The following TDG variants were observed in gnomAD, a reference collection of about 807,000 sequenced individuals.
TDG encodes G/T mismatch-specific thymine DNA glycosylase.
Under a neutral mutation model 46.1 loss-of-function variants are expected in TDG, and 23 were observed. That is an observed-to-expected ratio of 0.50 (90% confidence interval 0.36 to 0.71). The LOEUF is 0.71. TDG is among the 30% of genes least tolerant of loss of function. The pLI, the probability that TDG is intolerant of heterozygous loss-of-function variation, is 0.00. For missense variants in TDG, 304 were observed against 486.7 expected, an observed-to-expected ratio of 0.62 and a Z score of 3.53; for synonymous variants, 115 against 161.3, an observed-to-expected ratio of 0.71 and a Z score of 2.18.
At chr12:103,967,674 C>G (rs1871107118) in intron 1 of TDG, among the ~76,000 whole-genome samples, 2 of 151,978 alleles carry the variant, frequency 1.3e-5, no homozygotes, top group African/African-American at 4.8e-5. Context: ...CCAGGCTGGT[C>G]TTGAACTCTT....
chr12:103,982,719 C>T (rs532995851), intron 4 of TDG, 80 bp from the exon 5 acceptor site: 32 of 1,471,250 alleles, frequency 2.2e-5, no homozygotes, highest in South Asian at 1.6e-4. Flanking sequence ...GAGCCATGAT[C>T]GTGCCACTAC....
chr12:103,969,629 A>G (rs1173572268), intron 1 of TDG, among the ~76,000 whole-genome samples: 2 of 152,216 alleles, frequency 1.3e-5, no homozygotes, highest in East Asian at 3.8e-4. Flanking sequence ...ATCATCTTTT[A>G]CAAAGAAGAG....
Position 103,987,773 on chromosome 12 carries a change from C to G in TDG, c.*683C>G, listed in dbSNP as rs1872251939. ...GGCAGGTTCCAGAGAATGCAGTAGA[C>G]CTTTTGCCACTCATCTGTGTTTTAC... is the stretch of plus-strand genomic sequence containing the variant. On this transcript the variant is annotated 3_prime_UTR_variant, in exon 10 of 10. Coordinates refer to ENST00000392872, the MANE Select transcript of TDG (RefSeq NM_003211.6). 1 of 152,540 alleles carries G rather than the reference C, an allele frequency of 6.6e-6. No individual in the cohort carries two copies. Among genetic ancestry groups the G allele is most frequent in the Non-Finnish European group, 1.5e-5 (1 of 68,050 alleles). 9.4% of individuals were successfully genotyped at this position (152,540 alleles called of 1,614,324 possible). A position where few individuals can be genotyped will look rare whatever the true frequency, so the allele number is the denominator to read the frequency against.
At chr12:103,983,995 C>A (rs1237483697) in intron 7 of TDG, among the ~76,000 whole-genome samples, 1 of 152,152 alleles carries the variant, frequency 6.6e-6, no homozygotes, top group Non-Finnish European at 1.5e-5. Flanking sequence ...TTTTAAAGAA[C>A]AACACAGTGC....
chr12:103,979,752 T>C (rs1871729374), intron 2 of TDG, 79 bp from the exon 3 acceptor site: 6 of 1,505,166 alleles, frequency 4.0e-6, no homozygotes, highest in Non-Finnish European at 5.3e-6. Context: ...AAGGTGCTAG[T>C]TGGGTAACTT....
At position 103,980,064 on chromosome 12, in the gene TDG, A is replaced by G. The variant is rs772576208; in HGVS notation, c.400A>G (p.Ile134Val). ...LPDILTFNLD[I>V]VIIGINPGLM... Reference sequence around the variant, plus strand: ...CGATATTTTGACCTTCAATCTGGACATTGTCATTGTAAGATCTTTGTCCTC... The same window carrying G: ...CGATATTTTGACCTTCAATCTGGACGTTGTCATTGTAAGATCTTTGTCCTC... The change falls in exon 3 of 10, where the codon ATT becomes GTT. Residue 134 changes from isoleucine (I) to valine (V), a missense_variant. Transcript: ENST00000392872. The G allele has an allele frequency of 3.0e-5, 49 of 1,614,038 alleles. No homozygotes were observed. Among genetic ancestry groups the G allele is most frequent in the Non-Finnish European group, 3.9e-5 (46 of 1,180,036 alleles).
chr12:103,984,691 A>G (rs567925782), intron 7 of TDG, 58 bp from the exon 8 acceptor site: 31 of 1,309,804 alleles, frequency 2.4e-5, no homozygotes, highest in South Asian at 2.4e-4. Context: ...TCTAATCTCA[A>G]TGAGTGAATT....
intron 1 of TDG, among the ~76,000 whole-genome samples, chr12:103,976,414 A>C (rs1218108377): frequency 2.6e-5 from 4 of 151,974 alleles, no homozygotes; most frequent in South Asian, 4.2e-4. Context: ...CTCCCCACAC[A>C]CACACACACA....
intron 8 of TDG, among the ~76,000 whole-genome samples, chr12:103,985,162 CACAT>C (rs200981623): frequency 2.4e-5 from 3 of 122,808 alleles, no homozygotes; most frequent in Non-Finnish European, 5.1e-5. Context: ...TATATATAGA[CACAT>C]ACACACACAC....
rs374784272 is a variant in TDG at position 103,982,939 on chromosome 12, G to T, written c.614+5G>T. 1 of 1,613,352 alleles carries T rather than the reference G, an allele frequency of 6.2e-7. No homozygotes were observed. Among genetic ancestry groups the T allele is most frequent in the African/African-American group, 1.3e-5 (1 of 74,884 alleles). ...CGGCAGCAAAGATCTCTCCAGGTAAGTACACAGCATTTGCTTTTATGGGTT... is the reference window on the plus strand; with the variant it reads ...CGGCAGCAAAGATCTCTCCAGGTAATTACACAGCATTTGCTTTTATGGGTT... On this transcript the variant is annotated splice_donor_5th_base_variant and intron_variant, in intron 5 of 9. Transcript: ENST00000392872.
intron 4 of TDG, among the ~76,000 whole-genome samples, chr12:103,981,877 T>G (rs942462900): frequency 6.6e-6 from 1 of 152,126 alleles, no homozygotes; most frequent in Non-Finnish European, 1.5e-5. Flanking sequence ...AGCTGAGTGC[T>G]GTGGTGCACA....
chr12:103,977,140 A>T, intron 2 of TDG, 80 bp downstream of exon 2: 1 of 1,541,550 alleles, frequency 6.5e-7, no homozygotes, highest in Non-Finnish European at 8.7e-7. Flanking sequence ...GGTGAATTTT[A>T]GCTCTATTTT....
At chr12:103,983,104 ATATTTT>A (rs1481440417) in intron 5 of TDG, 26 bp from the exon 6 acceptor site, 2 of 1,558,034 alleles carry the variant, frequency 1.3e-6, no homozygotes, top group Non-Finnish European at 1.7e-6. Flanking sequence ...TGTCATATTT[ATATTTT>A]TGACTACTTT....
chr12:103,980,195 A>C (rs758862047), intron 3 of TDG, 123 bp downstream of exon 3: 2 of 1,377,698 alleles, frequency 1.5e-6, no homozygotes, highest in Non-Finnish European at 9.9e-7. Flanking sequence ...TTTGGTGGTA[A>C]ATGGTGTCAG....
rs578157537 is a variant in TDG, at chr12:103,973,086, A to ATT, written c.24-3818_24-3817dup. 2.0e-3 allele frequency: 1,086 copies of ATT among 555,610 alleles called. 41 individuals carry two copies. Among genetic ancestry groups the ATT allele is most frequent in the Non-Finnish European group, 2.4e-3 (787 of 322,828 alleles). The allele number at this position is 555,610 out of a possible 1,614,324, so 34.4% of individuals were successfully genotyped here. On this transcript the variant is annotated intron_variant, in intron 1 of 9. Coordinates refer to ENST00000392872, the MANE Select transcript of TDG (RefSeq NM_003211.6). ...GACAGAGTAAAAACACGTTTCATACATTTTTTTTTTTTTTTGAGACGGAGT... is the reference window on the plus strand; with the variant it reads ...GACAGAGTAAAAACACGTTTCATACATTTTTTTTTTTTTTTTTGAGACGGAGT...
chr12:103,986,895 A>G, intron 9 of TDG, 53 bp from the exon 10 acceptor site: 3 of 1,594,816 alleles, frequency 1.9e-6, no homozygotes, highest in Non-Finnish European at 2.6e-6. Flanking sequence ...TACTTTAAAA[A>G]AAGCAAATAT....
At chr12:103,966,388 T>C (rs1871025949) in intron 1 of TDG, among the ~76,000 whole-genome samples, 2 of 152,200 alleles carry the variant, frequency 1.3e-5, no homozygotes, top group African/African-American at 4.8e-5. Context: ...CTAGAAGGGT[T>C]TTCCGTCACC....
At chr12:103,972,965 A>G (rs2136233823) in intron 1 of TDG, 2 of 699,972 alleles carry the variant, frequency 2.9e-6, no homozygotes, top group East Asian at 2.7e-5. Flanking sequence ...TTCAGTTTGC[A>G]TTTTCATGAA....
At chr12:103,981,226 C>CT (rs11314473) in intron 4 of TDG, among the ~76,000 whole-genome samples, 3,273 of 69,436 alleles carry the variant, frequency 0.047, 464 homozygotes, top group Non-Finnish European at 0.055. Context: ...AGTTGTACTA[C>CT]TTTTTTTTTT....
Sources: allele counts gnomAD v4.1 joint callset (sites outside exome capture counted in the v4.1 genomes callset), GRCh38; gene constraint gnomAD v4.1.1; transcripts MANE v1.5; gene names NCBI Gene and HGNC (gene_info 2026-07-23, HGNC 2026-07-21).